UMAD1: variants seen among roughly 807,000 people sequenced by gnomAD.
UMAD1 encodes the protein UBAP1-MVB12-associated (UMA)-domain containing protein 1.
In UMAD1, 8 loss-of-function variants were observed where a neutral mutation model predicts 6.1. That is an observed-to-expected ratio of 1.30 (90% confidence interval 0.76 to 2.35). The LOEUF (loss-of-function observed/expected upper bound fraction) is 2.35, where lower values mean the gene tolerates loss of function less well. UMAD1 is among the 30% of genes most tolerant of loss of function. The pLI is 0.00. For missense variants in UMAD1, 130 were observed against 78.4 expected, an observed-to-expected ratio of 1.66 and a Z score of -2.49; for synonymous variants, 56 against 31.4, an observed-to-expected ratio of 1.78 and a Z score of -2.61.
At position 7,728,019 on chromosome 7, in the gene UMAD1, A is replaced by G. The variant is rs886581022; in HGVS notation, c.82+54566A>G. On this transcript the variant is annotated intron_variant, in intron 2 of 3. Transcript: ENST00000682710. ...TTTGTCCCTCTAGAGAACCCTGACT[A>G]ATACACCATCCAAACCTATTTTCTT... 2.0e-5 allele frequency among the ~76,000 whole-genome samples: 3 copies of G among 152,150 alleles called. 1 individual carries two copies. The highest frequency in any genetic ancestry group is 4.1e-4 in the South Asian group (2 of 4,822).
chr7:7,655,962 A>G (rs1169118068), intron 1 of UMAD1, among the ~76,000 whole-genome samples: 2 of 151,912 alleles, frequency 1.3e-5, no homozygotes, highest in African/African-American at 2.4e-5. Flanking sequence ...CAGCCTTCCG[A>G]GTAGCTGGGA....
rs566263844 is a variant in UMAD1, at chr7:7,642,306, G to T, written c.-64+1485G>T. On this transcript the variant is annotated intron_variant, in intron 1 of 3. Transcript: ENST00000682710. ...CATACCACCACACCCAGCTAATAAA[G>T]ATTTTTTTTTTGTTGTTTGTTTTTT... 3.8e-5 allele frequency among the ~76,000 whole-genome samples: 5 copies of T among 131,044 alleles called. No homozygotes were observed. The South Asian group carries it at 8.9e-4, about 23-fold the overall frequency. The allele number at this position is 131,044 out of a possible 152,430, so 86.0% of individuals were successfully genotyped here. A position where few individuals can be genotyped will look rare whatever the true frequency, so the allele number is the denominator to read the frequency against.
intron 2 of UMAD1, among the ~76,000 whole-genome samples, chr7:7,723,944 C>T (rs557526385): frequency 6.6e-6 from 1 of 152,224 alleles, no homozygotes; most frequent in Non-Finnish European, 1.5e-5. Flanking sequence ...ATTTTCAGAT[C>T]GAATGGACAA....
intron 2 of UMAD1, among the ~76,000 whole-genome samples, chr7:7,758,052 T>C (rs540788805): frequency 6.6e-6 from 1 of 152,214 alleles, no homozygotes; most frequent in South Asian, 2.1e-4. Context: ...GTTTGGGTTT[T>C]TTTAAAATTA....
chr7:7,834,079 A>G (rs1198391720), intron 3 of UMAD1, among the ~76,000 whole-genome samples: 1 of 140,556 alleles, frequency 7.1e-6, no homozygotes, highest in Non-Finnish European at 1.5e-5. Context: ...CTGGAGTGCA[A>G]TGGCGTGATC....
chr7:7,758,297 G>A (rs1472030330), intron 2 of UMAD1, among the ~76,000 whole-genome samples: 1 of 151,980 alleles, frequency 6.6e-6, no homozygotes, highest in Non-Finnish European at 1.5e-5. Context: ...GCCTATCCCA[G>A]TGGTCTTGAA....
intron 2 of UMAD1, among the ~76,000 whole-genome samples, chr7:7,734,020 G>A (rs1171749451): frequency 1.3e-5 from 2 of 152,040 alleles, no homozygotes; most frequent in Admixed American, 1.3e-4. Flanking sequence ...TTAACAGTGT[G>A]TGCTTTAATT....
chr7:7,855,126 A>C (rs915016599), intron 3 of UMAD1, among the ~76,000 whole-genome samples: 1 of 152,336 alleles, frequency 6.6e-6, no homozygotes, highest in South Asian at 2.1e-4. Context: ...AGCCCCTCCC[A>C]GCTGCTTTCA....
chr7:7,872,344 T>C (rs181590884), intron 3 of UMAD1, among the ~76,000 whole-genome samples: 3 of 152,322 alleles, frequency 2.0e-5, no homozygotes, highest in East Asian at 3.9e-4. Context: ...TAATTAAAAG[T>C]ATACTGAGCT....
At chr7:7,801,096 C>G (rs1178467603) in intron 2 of UMAD1, among the ~76,000 whole-genome samples, 1 of 152,194 alleles carries the variant, frequency 6.6e-6, no homozygotes, top group East Asian at 1.9e-4. Flanking sequence ...TCACCAACTT[C>G]ATTTAGTAAT....
At chr7:7,834,016 C>CTT (rs4034895) in intron 3 of UMAD1, among the ~76,000 whole-genome samples, 324 of 110,386 alleles carry the variant, frequency 2.9e-3, no homozygotes, top group Non-Finnish European at 4.1e-3. Context: ...TTTTTCTTTT[C>CTT]TTTTTTTTTT....
intron 2 of UMAD1, among the ~76,000 whole-genome samples, chr7:7,718,140 A>AC (rs564001866): frequency 1.9e-3 from 297 of 152,324 alleles, no homozygotes; most frequent in African/African-American, 6.7e-3. Context: ...AGAAAGTAAA[A>AC]CTGGTATTAA....
chr7:7,819,524 C>G (rs17494076), intron 3 of UMAD1, among the ~76,000 whole-genome samples: 9,932 of 152,206 alleles, frequency 0.065, 408 homozygotes, highest in Non-Finnish European at 0.097. Context: ...GCCACTGAAT[C>G]AGATCTGAAA....
At chr7:7,790,333 C>G (rs560075912) in intron 2 of UMAD1, among the ~76,000 whole-genome samples, 1 of 152,210 alleles carries the variant, frequency 6.6e-6, no homozygotes, top group Non-Finnish European at 1.5e-5. Context: ...GATGAAAACT[C>G]TGTTCCCTGC....
At chr7:7,666,980 A>G (rs1372907631) in intron 1 of UMAD1, among the ~76,000 whole-genome samples, 2 of 151,942 alleles carry the variant, frequency 1.3e-5, no homozygotes, top group African/African-American at 2.4e-5. Flanking sequence ...GCTAATTTTT[A>G]TATTATTAGT....
intron 3 of UMAD1, among the ~76,000 whole-genome samples, chr7:7,817,812 C>T (rs536181677): frequency 1.3e-5 from 2 of 151,912 alleles, no homozygotes. Flanking sequence ...TCAGTATGTT[C>T]CCCCCACCCC....
At chr7:7,815,221 C>T (rs1176643543) in intron 3 of UMAD1, among the ~76,000 whole-genome samples, 1 of 152,062 alleles carries the variant, frequency 6.6e-6, no homozygotes, top group African/African-American at 2.4e-5. Context: ...ACTTGTAGCT[C>T]AGATCTTGGC....
intron 2 of UMAD1, among the ~76,000 whole-genome samples, chr7:7,696,405 C>A (rs966330981): frequency 6.6e-6 from 1 of 151,972 alleles, no homozygotes; most frequent in African/African-American, 2.4e-5. Flanking sequence ...GTATAAAATT[C>A]TAATTTTCTA....
intron 2 of UMAD1, among the ~76,000 whole-genome samples, chr7:7,723,594 G>A (rs547470646): frequency 6.6e-6 from 1 of 152,252 alleles, no homozygotes; most frequent in Admixed American, 6.5e-5. Context: ...CCAGTGCTTT[G>A]CAAAATAGAT....
Sources: allele counts gnomAD v4.1 joint callset (sites outside exome capture counted in the v4.1 genomes callset), GRCh38; gene constraint gnomAD v4.1.1; transcripts MANE v1.5; gene names NCBI Gene and HGNC (gene_info 2026-07-23, HGNC 2026-07-21).